METTL15: variants seen among roughly 807,000 people sequenced by gnomAD.
METTL15 encodes the protein 12S rRNA N(4)-cytidine methyltransferase METTL15.
A neutral mutation model predicts 38.3 loss-of-function variants in METTL15; 34 were observed. That is an observed-to-expected ratio of 0.89 (90% confidence interval 0.68 to 1.18). The LOEUF is 1.18. Ranked by LOEUF, METTL15 falls within the 50% of genes most tolerant of loss-of-function variation. The probability of loss-of-function intolerance (pLI) is 0.00; values close to 1 mark genes in which losing one functional copy is unlikely to be tolerated. For synonymous variants in METTL15, 162 were observed against 170.9 expected, an observed-to-expected ratio of 0.95 and a Z score of 0.41; for missense variants, 438 against 498.4, an observed-to-expected ratio of 0.88 and a Z score of 1.15.
chr11:28,214,938 C>T lies in METTL15; in HGVS notation c.407+3740C>T, dbSNP rs952594258. ...CCAGCATAAGGGTCACAGCTGATAC[C>T]CCTATAACAAAGAGAGGTTGACAAG... On this transcript the variant is annotated intron_variant, in intron 4 of 6. Coordinates refer to ENST00000407364, the MANE Select transcript of METTL15 (RefSeq NM_001113528.2). Among the ~76,000 whole-genome samples the T allele has an allele frequency of 4.6e-5, 7 of 152,148 alleles. No homozygotes were observed. The East Asian group carries it at 1.4e-3, about 29-fold the overall frequency.
intron 5 of METTL15, among the ~76,000 whole-genome samples, chr11:28,394,524 G>A (rs539362024): frequency 1.3e-5 from 2 of 152,100 alleles, no homozygotes; most frequent in Admixed American, 6.6e-5. Flanking sequence ...TCTTGGAGGT[G>A]GCAGAGAATG....
At chr11:28,305,928 A>G (rs2134016229) in intron 6 of METTL15, among the ~76,000 whole-genome samples, 1 of 152,240 alleles carries the variant, frequency 6.6e-6, no homozygotes, top group East Asian at 1.9e-4. Context: ...GAAAAGATGA[A>G]TGAACAAATA....
intron 5 of METTL15, among the ~76,000 whole-genome samples, chr11:28,420,693 CA>C (rs1332747528): frequency 2.6e-5 from 4 of 151,802 alleles, no homozygotes; most frequent in Non-Finnish European, 5.9e-5. Context: ...CACAACATTC[CA>C]AAAACTATGG....
At chr11:28,360,003 A>G (rs891697107) in intron 4 of METTL15, among the ~76,000 whole-genome samples, 2 of 152,182 alleles carry the variant, frequency 1.3e-5, no homozygotes, top group African/African-American at 4.8e-5. Flanking sequence ...TAAAGGACTT[A>G]CAAAAGAAGC....
At chr11:28,411,869 T>C (rs1850730460) in intron 5 of METTL15, among the ~76,000 whole-genome samples, 1 of 152,058 alleles carries the variant, frequency 6.6e-6, no homozygotes, top group Non-Finnish European at 1.5e-5. Context: ...ATCCAAAATT[T>C]ATAAAGAACT....
Position 28,524,679 on chromosome 11 carries a change from C to T in METTL15, c.*425-1799C>T, listed in dbSNP as rs7108094. Among the ~76,000 whole-genome samples, 475 of 152,204 alleles carry T rather than the reference C, an allele frequency of 3.1e-3. 1 individual carries two copies. Among genetic ancestry groups the T allele is most frequent in the African/African-American group, 0.011 (464 of 41,524 alleles). On this transcript the variant is annotated intron_variant and NMD_transcript_variant, in intron 6 of 7. Coordinates refer to the METTL15 transcript ENST00000532947. ...TAATCAGCAAGGTAAAGGAGTAAAA[C>T]ATTGTGTAGTTCCTGAAGTTAGGAA... is the stretch of plus-strand genomic sequence containing the variant.
intron 6 of METTL15, among the ~76,000 whole-genome samples, chr11:28,308,999 C>G (rs547092568): frequency 1.3e-5 from 2 of 152,008 alleles, no homozygotes; most frequent in African/African-American, 4.8e-5. Context: ...ATAGATTGAT[C>G]GTAGGTAGAT....
intron 6 of METTL15, among the ~76,000 whole-genome samples, chr11:28,475,260 A>G (rs368246542): frequency 6.6e-6 from 1 of 152,226 alleles, no homozygotes; most frequent in Non-Finnish European, 1.5e-5. Flanking sequence ...TCATGTTGGT[A>G]ATTCATGTTG....
At chr11:28,138,709 C>T (rs1272757459) in intron 3 of METTL15, among the ~76,000 whole-genome samples, 1 of 152,192 alleles carries the variant, frequency 6.6e-6, no homozygotes, top group African/African-American at 2.4e-5. Flanking sequence ...CCCGGGCCAC[C>T]ATTTTAAAAT....
chr11:28,155,049 A>G (rs193129761), intron 3 of METTL15, among the ~76,000 whole-genome samples: 2 of 152,294 alleles, frequency 1.3e-5, no homozygotes, highest in East Asian at 3.9e-4. Flanking sequence ...TGAGAATACA[A>G]GGAAAAGAGA....
At chr11:28,431,647 G>T (rs1339272019) in intron 6 of METTL15, among the ~76,000 whole-genome samples, 1 of 82,602 alleles carries the variant, frequency 1.2e-5, no homozygotes, top group Non-Finnish European at 2.4e-5. Context: ...CACTGCGGAA[G>T]GCCGCAGGGT....
At chr11:28,375,761 G>T (rs80277274) in intron 5 of METTL15, among the ~76,000 whole-genome samples, 61,445 of 151,348 alleles carry the variant, frequency 0.41, 14,258 homozygotes, top group Admixed American at 0.52. Context: ...GTGATGTTAG[G>T]GTGTCAATTT....
chr11:28,359,106 C>A (rs1012668388), intron 4 of METTL15, among the ~76,000 whole-genome samples: 21 of 152,082 alleles, frequency 1.4e-4, no homozygotes, highest in African/African-American at 5.1e-4. Context: ...TCTAGTAGTC[C>A]CCAGTGTCTC....
intron 3 of METTL15, among the ~76,000 whole-genome samples, chr11:28,140,281 A>T (rs1849654905): frequency 6.6e-6 from 1 of 152,196 alleles, no homozygotes; most frequent in African/African-American, 2.4e-5. Context: ...AAGAAGAGCT[A>T]AGTGCCAGGA....
intron 5 of METTL15, among the ~76,000 whole-genome samples, chr11:28,405,929 C>G (rs1850669877): frequency 1.3e-5 from 2 of 152,058 alleles, no homozygotes; most frequent in African/African-American, 2.4e-5. Context: ...GGTGTGCAGT[C>G]TTATTTCTGA....
intron 5 of METTL15, among the ~76,000 whole-genome samples, chr11:28,377,938 G>T (rs1009919744): frequency 6.6e-6 from 1 of 152,260 alleles, no homozygotes; most frequent in African/African-American, 2.4e-5. Flanking sequence ...GTGTGTCCCT[G>T]CTGGAGGGTG....
intron 6 of METTL15, among the ~76,000 whole-genome samples, chr11:28,429,517 G>A (rs1388206601): frequency 7.9e-6 from 1 of 126,242 alleles, no homozygotes; most frequent in Non-Finnish European, 1.7e-5. Flanking sequence ...GCAGGCACGC[G>A]CCGCCACGCC....
chr11:28,120,672 T>C (rs150984975), intron 3 of METTL15, among the ~76,000 whole-genome samples: 1 of 152,330 alleles, frequency 6.6e-6, no homozygotes. Flanking sequence ...TCAATCACGA[T>C]GCAGTTTTCC....
At chr11:28,228,383 T>C (rs1853564230) in intron 4 of METTL15, among the ~76,000 whole-genome samples, 1 of 151,928 alleles carries the variant, frequency 6.6e-6, no homozygotes, top group South Asian at 2.1e-4. Context: ...TTTTCTCATC[T>C]TTAAAAATGG....
Sources: allele counts gnomAD v4.1 joint callset (sites outside exome capture counted in the v4.1 genomes callset), GRCh38; gene constraint gnomAD v4.1.1; transcripts MANE v1.5; gene names NCBI Gene and HGNC (gene_info 2026-07-23, HGNC 2026-07-21).